DAB1: variants seen among roughly 807,000 people sequenced by gnomAD.
DAB1 encodes the protein disabled homolog 1.
In DAB1, 15 loss-of-function variants were observed where a neutral mutation model predicts 64.6. That is an observed-to-expected ratio of 0.23 (90% CI 0.16 to 0.36). DAB1 has a LOEUF of 0.36. Ranked by LOEUF, DAB1 falls within the 10% of genes least tolerant of loss-of-function variation. The pLI is 1.00. For synonymous variants in DAB1, 235 were observed against 251.9 expected (o/e 0.93, Z 0.64); for missense variants, 596 against 706.7 (o/e 0.84, Z 1.78).
At chr1:57,395,151 A>C (rs2101013916) in intron 1 of DAB1, among the ~76,000 whole-genome samples, 1 of 152,194 alleles carries the variant, frequency 6.6e-6, no homozygotes, top group South Asian at 2.1e-4. Flanking sequence ...CAGCCTCTTG[A>C]GTAGCCGGGA....
intron 2 of DAB1, among the ~76,000 whole-genome samples, chr1:57,175,655 T>C (rs1662231887): frequency 6.6e-6 from 1 of 152,202 alleles, no homozygotes; most frequent in Non-Finnish European, 1.5e-5. Context: ...AATAGGGCTA[T>C]AAAATAGCAT....
At chr1:58,000,214 A>G (rs889975897) in intron 5 of DAB1, among the ~76,000 whole-genome samples, 4 of 152,214 alleles carry the variant, frequency 2.6e-5, no homozygotes, top group African/African-American at 9.7e-5. Context: ...ATAAGTCTTC[A>G]GTGTATCATA....
At chr1:57,748,664 G>A (rs1197422042) in intron 6 of DAB1, among the ~76,000 whole-genome samples, 1 of 152,138 alleles carries the variant, frequency 6.6e-6, no homozygotes, top group South Asian at 2.1e-4. Flanking sequence ...AGAGTGGTCA[G>A]GGCAGCTTCC....
chr1:57,616,886 C>T (rs2101610388), intron 7 of DAB1, among the ~76,000 whole-genome samples: 1 of 152,264 alleles, frequency 6.6e-6, no homozygotes, highest in South Asian at 2.1e-4. Context: ...AGCAGGTCTG[C>T]CATGCTCTGA....
At chr1:57,929,256 G>T (rs1644922074) in intron 5 of DAB1, among the ~76,000 whole-genome samples, 1 of 152,152 alleles carries the variant, frequency 6.6e-6, no homozygotes, top group South Asian at 2.1e-4. Context: ...GTATGTAAAG[G>T]TCTTTGGCTC....
At chr1:58,306,846 C>A (rs1280511405) in intron 4 of DAB1, among the ~76,000 whole-genome samples, 2 of 152,178 alleles carry the variant, frequency 1.3e-5, no homozygotes, top group South Asian at 4.1e-4. Context: ...TTTACATACT[C>A]CTCCCTTGTA....
At chr1:57,735,451 A>G (rs1386799233) in intron 6 of DAB1, among the ~76,000 whole-genome samples, 2 of 152,140 alleles carry the variant, frequency 1.3e-5, no homozygotes, top group Non-Finnish European at 2.9e-5. Context: ...ATTATTTAAT[A>G]AGTACTGCCT....
At chr1:58,133,872 T>C (rs1459693116) in intron 5 of DAB1, among the ~76,000 whole-genome samples, 3 of 152,180 alleles carry the variant, frequency 2.0e-5, no homozygotes, top group African/African-American at 7.2e-5. Context: ...GCCAATTTAA[T>C]CTTTGGGGCC....
intron 6 of DAB1, among the ~76,000 whole-genome samples, chr1:57,806,551 A>G (rs1165589710): frequency 6.6e-6 from 1 of 152,208 alleles, no homozygotes; most frequent in Non-Finnish European, 1.5e-5. Context: ...ACTGCCCTCA[A>G]AAGAAACCAA....
chr1:58,449,405 C>A (rs776906403), intron 3 of DAB1, among the ~76,000 whole-genome samples: 8 of 152,222 alleles, frequency 5.3e-5, no homozygotes, highest in Middle Eastern at 3.4e-3. Flanking sequence ...TGGCCAGGGT[C>A]CTTGAAACAA....
At chr1:57,993,754 A>C (rs1646382953) in intron 5 of DAB1, among the ~76,000 whole-genome samples, 1 of 131,968 alleles carries the variant, frequency 7.6e-6, no homozygotes, top group Non-Finnish European at 1.9e-5. Flanking sequence ...TTGTACTGGC[A>C]GAAGCTGGAA....
intron 4 of DAB1, among the ~76,000 whole-genome samples, chr1:58,215,505 A>G (rs1302498364): frequency 6.6e-6 from 1 of 152,034 alleles, no homozygotes; most frequent in Non-Finnish European, 1.5e-5. Flanking sequence ...TTAGCCTCCT[A>G]AAGGCAGGAA....
intron 4 of DAB1, among the ~76,000 whole-genome samples, chr1:58,291,225 G>T (rs562196514): frequency 1.6e-4 from 25 of 152,330 alleles, no homozygotes; most frequent in African/African-American, 6.0e-4. Flanking sequence ...CCTTGCGGCT[G>T]CTCATAAAAA....
intron 5 of DAB1, among the ~76,000 whole-genome samples, chr1:58,025,746 C>T (rs1646886044): frequency 6.8e-6 from 1 of 146,536 alleles, no homozygotes. Context: ...TCATATTCCT[C>T]CTCTGTCTTT....
intron 9 of DAB1, among the ~76,000 whole-genome samples, chr1:57,031,535 C>T (rs990908033): frequency 3.3e-5 from 5 of 152,236 alleles, no homozygotes. Context: ...TTGTCACTAT[C>T]TATGTTTCAC....
At chr1:57,158,862 T>C (rs1476574500) in intron 2 of DAB1, among the ~76,000 whole-genome samples, 2 of 152,238 alleles carry the variant, frequency 1.3e-5, no homozygotes, top group Non-Finnish European at 2.9e-5. Context: ...CTATGACTCA[T>C]GCACACATTT....
intron 1 of DAB1, among the ~76,000 whole-genome samples, chr1:57,372,448 T>C (rs1680574108): frequency 6.6e-6 from 1 of 152,174 alleles, no homozygotes; most frequent in South Asian, 2.1e-4. Context: ...TATTCCAATT[T>C]GGAATTTAGC....
chr1:58,126,100 A>T (rs1482503781), intron 5 of DAB1, among the ~76,000 whole-genome samples: 2 of 152,174 alleles, frequency 1.3e-5, no homozygotes, highest in African/African-American at 4.8e-5. Context: ...TCAAGCATCA[A>T]ACTTATTTGG....
At chr1:57,838,981 A>G (rs1353263574) in intron 1 of DAB1, among the ~76,000 whole-genome samples, 1 of 151,784 alleles carries the variant, frequency 6.6e-6, no homozygotes, top group Admixed American at 6.6e-5. Context: ...GGGTCTCACT[A>G]TGTTGTTCAG....
Sources: gnomAD v4.1 joint callset for allele counts (sites outside exome capture counted in the v4.1 genomes callset) on GRCh38, gnomAD v4.1.1 for gene constraint, MANE v1.5 for transcripts, NCBI Gene and HGNC (gene_info 2026-07-23, HGNC 2026-07-21) for gene names.